The following TUSC3 variants were observed in gnomAD, a reference collection of about 807,000 sequenced individuals.
The protein encoded by TUSC3 is dolichyl-diphosphooligosaccharide--protein glycosyltransferase subunit TUSC3.
TUSC3 carries 45 observed loss-of-function variants against 44.8 expected under a neutral mutation model. The observed-to-expected ratio is 1.00, with a 90% CI of 0.79 to 1.29. TUSC3 has a LOEUF of 1.29. Among genes scored for constraint, TUSC3 ranks in the 50% most tolerant of loss-of-function variants. The probability of loss-of-function intolerance (pLI) is 0.00; values close to 1 mark genes in which losing one functional copy is unlikely to be tolerated. For synonymous variants in TUSC3, 212 were observed against 152.9 expected (o/e 1.39, Z -2.85); for missense variants, 519 against 437.9 (o/e 1.19, Z -1.65).
At chr8:15,779,088 C>T in the TUSC3 span, among the ~76,000 whole-genome samples, 2 of 141,368 alleles carry the variant, frequency 1.4e-5, no homozygotes, top group East Asian at 2.2e-4. Context: ...AGGCCACCCT[C>T]GAATGTTTTC....
In TUSC3 at chr8:15,758,437, T is replaced by A. The variant is rs145225374; in HGVS notation, c.*46+582T>A. On this transcript the variant is annotated intron_variant, in intron 10 of 10. Transcript: ENST00000503731. ...TATATGTATGTAAAATTGACAGTAA[T>A]TTTTTGCAGAAAATTCACAATCCAG... Among the ~76,000 whole-genome samples, 798 of 151,930 alleles carry A rather than the reference T, an allele frequency of 5.3e-3. 6 individuals are homozygous for A. Among genetic ancestry groups the A allele is most frequent in the African/African-American group, 0.018 (766 of 41,484 alleles).
chr8:15,840,669 C>A, the TUSC3 span, among the ~76,000 whole-genome samples: 1 of 152,032 alleles, frequency 6.6e-6, no homozygotes, highest in Non-Finnish European at 1.5e-5. Flanking sequence ...ATAGGTCCTG[C>A]TCAGAAAGTC....
chr8:15,741,738 C>T (rs576941246), intron 7 of TUSC3, among the ~76,000 whole-genome samples: 1 of 151,632 alleles, frequency 6.6e-6, no homozygotes, highest in Non-Finnish European at 1.5e-5. Flanking sequence ...ATCTGCAATT[C>T]TATTTGAATT....
downstream of TUSC3, among the ~76,000 whole-genome samples, chr8:15,771,217 C>A (rs556233390): frequency 8.5e-5 from 13 of 152,204 alleles, no homozygotes; most frequent in East Asian, 2.3e-3. Context: ...CTACATAGAC[C>A]TATACCATAA....
In TUSC3 at chr8:15,500,387, T is replaced by A. The variant is rs539288147; in HGVS notation, n.189+16904T>A. 2.6e-5 allele frequency among the ~76,000 whole-genome samples: 4 copies of A among 152,368 alleles called. No individual in the cohort carries two copies. The East Asian group carries it at 7.7e-4, about 29-fold the overall frequency. ...AATTACCACCAAAGGTCCCATAGAC[T>A]ATTTTCCCTCTATAGTCATCACATT... is the stretch of plus-strand genomic sequence containing the variant. On this transcript the variant is annotated intron_variant and non_coding_transcript_variant, in intron 2 of 5. Transcript: ENST00000503191.
chr8:15,478,107 C>T lies in TUSC3; in HGVS notation n.92-5279C>T, dbSNP rs565184456. On this transcript the variant is annotated intron_variant and non_coding_transcript_variant, in intron 1 of 5. Transcript: ENST00000503191. ...TGATTAGCTGGATTACAGACATGCACCACCATGCCCAGCTAACTTTTGTAT... is the reference window on the plus strand; with the variant it reads ...TGATTAGCTGGATTACAGACATGCATCACCATGCCCAGCTAACTTTTGTAT... Among the ~76,000 whole-genome samples the T allele has an allele frequency of 5.3e-4, 81 of 152,014 alleles. 2 individuals carry two copies. The South Asian group carries it at 0.016, about 30-fold the overall frequency.
chr8:15,806,474 C>A, the TUSC3 span: 2 of 889,098 alleles, frequency 2.2e-6, no homozygotes, highest in African/African-American at 1.6e-5. Context: ...CTTATGCAAA[C>A]AGGTGTCGAC....
intron 1 of TUSC3, among the ~76,000 whole-genome samples, chr8:15,610,531 C>CA (rs1804713348): frequency 6.6e-6 from 1 of 152,146 alleles, no homozygotes; most frequent in South Asian, 2.1e-4. Context: ...TAACATCTGG[C>CA]AACAGCAATT....
intron 2 of TUSC3, among the ~76,000 whole-genome samples, chr8:15,499,139 T>C: frequency 6.6e-6 from 1 of 152,188 alleles, no homozygotes; most frequent in East Asian, 1.9e-4. Flanking sequence ...CTTTAATTTC[T>C]GGTTCACTGT....
chr8:15,820,209 T>G, the TUSC3 span, among the ~76,000 whole-genome samples: 1 of 152,170 alleles, frequency 6.6e-6, no homozygotes, highest in African/African-American at 2.4e-5. Context: ...CACTACTTAT[T>G]CATAATGTAT....
chr8:15,465,393 A>G (rs74953133), intron 1 of TUSC3, among the ~76,000 whole-genome samples: 3,627 of 152,284 alleles, frequency 0.024, 65 homozygotes, highest in Non-Finnish European at 0.038. Context: ...CCACCAGCAG[A>G]TTTGTATTCT....
At chr8:15,525,495 A>T (rs748260686) in intron 2 of TUSC3, among the ~76,000 whole-genome samples, 3 of 152,240 alleles carry the variant, frequency 2.0e-5, no homozygotes, top group Admixed American at 6.5e-5. Flanking sequence ...TCTCAGTTTT[A>T]ATGTATAATA....
the TUSC3 span, among the ~76,000 whole-genome samples, chr8:15,778,111 A>AC: frequency 9.6e-6 from 1 of 103,652 alleles, no homozygotes; most frequent in African/African-American, 3.4e-5. Flanking sequence ...AAAAAAAAAA[A>AC]CAAAAAACCA....
At chr8:15,639,735 T>C (rs1286887748) in intron 2 of TUSC3, among the ~76,000 whole-genome samples, 6 of 151,968 alleles carry the variant, frequency 3.9e-5, no homozygotes, top group Non-Finnish European at 7.4e-5. Flanking sequence ...ATTTTCATGG[T>C]CTCAGACCTT....
At chr8:15,417,977 A>C (rs972782363) in intron 1 of TUSC3, among the ~76,000 whole-genome samples, 1 of 152,172 alleles carries the variant, frequency 6.6e-6, no homozygotes, top group Non-Finnish European at 1.5e-5. Flanking sequence ...AAAACTCTAC[A>C]TGCCTGGGAA....
chr8:15,674,381 T>C (rs1380564101), intron 6 of TUSC3, among the ~76,000 whole-genome samples: 1 of 152,046 alleles, frequency 6.6e-6, no homozygotes, highest in Non-Finnish European at 1.5e-5. Flanking sequence ...TCTTTACGTT[T>C]GGTGAATAGG....
chr8:15,488,653 T>A (rs145502607), intron 2 of TUSC3, among the ~76,000 whole-genome samples: 1 of 152,056 alleles, frequency 6.6e-6, no homozygotes, highest in Non-Finnish European at 1.5e-5. Context: ...GAGGGTAGAG[T>A]CCCTATGATG....
chr8:15,454,999 C>T (rs75709807), intron 1 of TUSC3, among the ~76,000 whole-genome samples: 1 of 151,986 alleles, frequency 6.6e-6, no homozygotes, highest in East Asian at 1.9e-4. Flanking sequence ...CCAAGAAAAC[C>T]ATGGGGAATC....
intron 1 of TUSC3, among the ~76,000 whole-genome samples, chr8:15,546,595 G>C (rs903486394): frequency 3.3e-5 from 5 of 151,602 alleles, no homozygotes; most frequent in Admixed American, 6.6e-5. Context: ...GAGTGCAATG[G>C]CGCAAACTTG....
Sources: allele counts gnomAD v4.1 joint callset (sites outside exome capture counted in the v4.1 genomes callset), GRCh38; gene constraint gnomAD v4.1.1; transcripts MANE v1.5; gene names NCBI Gene and HGNC (gene_info 2026-07-23, HGNC 2026-07-21).